Variants in ZNF704 observed in about 807,000 individuals in gnomAD.
ZNF704 encodes glucocorticoid induced gene 1.
ZNF704 carries 10 observed loss-of-function variants against 44.7 expected under a neutral mutation model. That is an observed-to-expected ratio of 0.22 (90% CI 0.14 to 0.38). The LOEUF (loss-of-function observed/expected upper bound fraction) is 0.38. ZNF704 is among the 10% of genes least tolerant of loss of function. The pLI is 1.00. For synonymous variants in ZNF704, 211 were observed against 207.6 expected (o/e 1.02, Z -0.14); for missense variants, 390 against 545.5 (o/e 0.71, Z 2.84).
intron 1 of ZNF704, among the ~76,000 whole-genome samples, chr8:80,837,222 G>A (rs1042640501): frequency 3.9e-5 from 6 of 152,266 alleles, no homozygotes; most frequent in African/African-American, 1.4e-4. Flanking sequence ...TTGGGGGGAA[G>A]AAATAGGTTT....
chr8:80,665,315 C>T lies in ZNF704; in HGVS notation c.660-233G>A, dbSNP rs1401052496. Among the ~76,000 whole-genome samples, 4 of 152,162 alleles carry T rather than the reference C, an allele frequency of 2.6e-5. No individual in the cohort carries two copies. The South Asian group carries it at 6.2e-4, about 24-fold the overall frequency. On this transcript the variant is annotated intron_variant, in intron 5 of 8. Transcript: ENST00000327835. ...ACTCATTCAATCAATTATTCAACAACGATTTATTGAGAATCTAATATGTTC... is the reference window on the plus strand; with the variant it reads ...ACTCATTCAATCAATTATTCAACAATGATTTATTGAGAATCTAATATGTTC...
chr8:80,842,548 G>A (rs567302135), intron 1 of ZNF704, among the ~76,000 whole-genome samples: 1 of 152,280 alleles, frequency 6.6e-6, no homozygotes, highest in South Asian at 2.1e-4. Context: ...AGAACAGTAT[G>A]GGCCACCAGC....
At chr8:80,724,509 A>G (rs1322677199) in intron 2 of ZNF704, among the ~76,000 whole-genome samples, 1 of 152,156 alleles carries the variant, frequency 6.6e-6, no homozygotes, top group Admixed American at 6.5e-5. Flanking sequence ...TATTCCTGGC[A>G]TGTCTTTAAC....
At chr8:80,796,899 AGAGAAAG>A (rs1421978272) in intron 2 of ZNF704, among the ~76,000 whole-genome samples, 1 of 137,868 alleles carries the variant, frequency 7.3e-6, no homozygotes, top group Non-Finnish European at 1.6e-5. Context: ...GGAAAGGGAA[AGAGAAAG>A]GGAAAGGGAA....
At position 80,706,069 on chromosome 8, in the gene ZNF704, TC is replaced by T. The variant is rs1818892911; in HGVS notation, c.222-12963del. On this transcript the variant is annotated intron_variant, in intron 2 of 8. Transcript: ENST00000327835. ...ATTTGGGAAGTCTGCAGGTTAACGA[TC>T]CGCCTGGTAAATGTCACGATTATTC... 3.3e-5 allele frequency among the ~76,000 whole-genome samples: 5 copies of T among 152,180 alleles called. No individual in the cohort carries two copies. The South Asian group carries it at 1.0e-3, about 32-fold the overall frequency.
intron 7 of ZNF704, among the ~76,000 whole-genome samples, chr8:80,643,872 A>T (rs1817785876): frequency 6.6e-6 from 1 of 152,178 alleles, no homozygotes; most frequent in South Asian, 2.1e-4. Context: ...AACATTACGT[A>T]GCTAGTAAGC....
chr8:80,733,048 G>C (rs1025358537), intron 2 of ZNF704, among the ~76,000 whole-genome samples: 1 of 150,946 alleles, frequency 6.6e-6, no homozygotes, highest in Non-Finnish European at 1.5e-5. Flanking sequence ...AATGATTTTT[G>C]CTGCTTTAAG....
chr8:80,713,514 A>G (rs2131662299), intron 2 of ZNF704, among the ~76,000 whole-genome samples: 1 of 152,324 alleles, frequency 6.6e-6, no homozygotes, highest in East Asian at 1.9e-4. Context: ...TATCATCTAC[A>G]TCTTCAGTTT....
At chr8:80,856,398 A>G (rs1808962415) in intron 1 of ZNF704, among the ~76,000 whole-genome samples, 1 of 152,190 alleles carries the variant, frequency 6.6e-6, no homozygotes, top group Non-Finnish European at 1.5e-5. Context: ...AAACTATTTG[A>G]AATTTAAAAA....
chr8:80,803,693 T>C (rs1221984412), intron 2 of ZNF704, among the ~76,000 whole-genome samples: 1 of 152,164 alleles, frequency 6.6e-6, no homozygotes, highest in African/African-American at 2.4e-5. Context: ...TCAAGATGGA[T>C]TAAAGACTTA....
intron 2 of ZNF704, among the ~76,000 whole-genome samples, chr8:80,714,514 C>T (rs1819041583): frequency 1.3e-5 from 2 of 152,048 alleles, no homozygotes; most frequent in African/African-American, 2.4e-5. Flanking sequence ...TATTAGAAAC[C>T]TCCAGGAAGC....
chr8:80,814,365 ATACTGGTTCCTACCATTTCCC>A (rs1262459933), intron 2 of ZNF704: 3 of 152,228 alleles, frequency 2.0e-5, no homozygotes, highest in African/African-American at 7.2e-5. Flanking sequence ...AATGTCAATT[ATACTGGTTCCTACCATTTCCC>A]TGTCTGCATC....
intron 1 of ZNF704, among the ~76,000 whole-genome samples, chr8:80,869,993 T>G (rs761173382): frequency 6.6e-6 from 1 of 152,174 alleles, no homozygotes; most frequent in Non-Finnish European, 1.5e-5. Flanking sequence ...GTCCTACAGA[T>G]GCAAGGGAAT....
chr8:80,753,610 A>G (rs1408513294), intron 2 of ZNF704, among the ~76,000 whole-genome samples: 1 of 152,230 alleles, frequency 6.6e-6, no homozygotes, highest in Non-Finnish European at 1.5e-5. Context: ...AAAGAATGGA[A>G]TGCTTTTTTC....
At position 80,639,481 on chromosome 8, in the gene ZNF704, G is replaced by A. The variant is rs908461075; in HGVS notation, c.*1885C>T. ...TAAAACATACAGTATTGCTGGTGCT[G>A]TGACTAGTACTGATTGGTAATCAAG... On this transcript the variant is annotated 3_prime_UTR_variant, in exon 9 of 9. Coordinates refer to ENST00000327835, the MANE Select transcript of ZNF704 (RefSeq NM_001033723.3). 5.9e-5 allele frequency: 9 copies of A among 152,192 alleles called. No individual in the cohort carries two copies. Among genetic ancestry groups the A allele is most frequent in the Non-Finnish European group, 8.8e-5 (6 of 68,040 alleles). The allele number at this position is 152,192 out of a possible 1,614,324, so 9.4% of individuals were successfully genotyped here.
At chr8:80,724,936 G>A (rs1563531939) in intron 2 of ZNF704, among the ~76,000 whole-genome samples, 1 of 152,102 alleles carries the variant, frequency 6.6e-6, no homozygotes, top group Non-Finnish European at 1.5e-5. Context: ...ATTTCCAGTG[G>A]CTCTCCACTG....
intron 2 of ZNF704, among the ~76,000 whole-genome samples, chr8:80,746,474 T>C (rs1806846563): frequency 1.3e-5 from 2 of 152,232 alleles, no homozygotes; most frequent in Non-Finnish European, 1.5e-5. Context: ...CTGAATGTGA[T>C]AGTTTGAGGC....
chr8:80,643,280 G>A, intron 7 of ZNF704, 151 bp from the exon 8 acceptor site: 2 of 453,648 alleles, frequency 4.4e-6, no homozygotes, highest in Non-Finnish European at 7.6e-6. Flanking sequence ...AGAACTTTGG[G>A]AGGCCAAGGA....
chr8:80,699,542 T>C (rs539614706), intron 2 of ZNF704, among the ~76,000 whole-genome samples: 1 of 152,334 alleles, frequency 6.6e-6, no homozygotes, highest in Admixed American at 6.5e-5. Flanking sequence ...TGAAGCCATC[T>C]GTGGTGAAGG....
Sources: gnomAD v4.1 joint callset for allele counts (sites outside exome capture counted in the v4.1 genomes callset) on GRCh38, gnomAD v4.1.1 for gene constraint, MANE v1.5 for transcripts, NCBI Gene and HGNC (gene_info 2026-07-23, HGNC 2026-07-21) for gene names.